Variants in COL23A1 observed in about 807,000 individuals in gnomAD.
COL23A1 encodes the protein collagen alpha-1(XXIII) chain.
COL23A1 carries 97 observed loss-of-function variants against 99.3 expected under a neutral mutation model. The ratio of observed to expected loss-of-function variants is 0.98; its 90% confidence interval spans 0.83 to 1.16. The LOEUF is 1.16. Ranked by LOEUF, COL23A1 falls within the 50% of genes most tolerant of loss-of-function variation. The pLI is 0.00. For missense variants in COL23A1, 762 were observed against 757.4 expected, an observed-to-expected ratio of 1.01 and a Z score of -0.07; for synonymous variants, 320 against 308.2, an observed-to-expected ratio of 1.04 and a Z score of -0.40.
intron 2 of COL23A1, among the ~76,000 whole-genome samples, chr5:178,556,194 G>C (rs1219730858): frequency 1.3e-5 from 2 of 152,052 alleles, no homozygotes; most frequent in Non-Finnish European, 1.5e-5. Context: ...AGCTATCTCG[G>C]ATACACAGAC....
intron 2 of COL23A1, among the ~76,000 whole-genome samples, chr5:178,401,966 C>A (rs1561939418): frequency 6.6e-6 from 1 of 152,164 alleles, no homozygotes; most frequent in Non-Finnish European, 1.5e-5. Context: ...CAGGCGCCTG[C>A]CACCACGCTC....
At chr5:178,239,102 C>T in intron 28 of COL23A1, 39 bp downstream of exon 28, 1 of 1,612,642 alleles carries the variant, frequency 6.2e-7, no homozygotes, top group Non-Finnish European at 8.5e-7. Context: ...CCTCCCCTGC[C>T]TCTCCCAAGC....
intron 2 of COL23A1, among the ~76,000 whole-genome samples, chr5:178,385,423 T>C (rs560295247): frequency 6.6e-6 from 1 of 152,346 alleles, no homozygotes; most frequent in Non-Finnish European, 1.5e-5. Context: ...TGGAAATGTT[T>C]GTGCTGGTGC....
intron 2 of COL23A1, among the ~76,000 whole-genome samples, chr5:178,361,144 T>A (rs1216939616): frequency 1.3e-5 from 2 of 152,216 alleles, no homozygotes; most frequent in Non-Finnish European, 2.9e-5. Context: ...CTTTAAACTT[T>A]CTTACTTAAA....
Position 178,256,970 on chromosome 5 carries a change from C to T in COL23A1, c.775-42G>A, listed in dbSNP as rs369643988. The stretch of plus-strand genomic sequence containing the variant: ...TGCAGTGAGAGCAAGTGTGAGACGG[C>T]ACGTGGCGGGTGCCTTGGAGGGGGG... On this transcript the variant is annotated intron_variant, in intron 13 of 28. Transcript: ENST00000390654. The T allele has an allele frequency of 2.1e-3, 3,330 of 1,597,262 alleles. 6 individuals are homozygous for T. The highest frequency in any genetic ancestry group is 2.5e-3 in the Non-Finnish European group (2,944 of 1,169,412).
At chr5:178,295,448 T>A (rs1254245035) in intron 3 of COL23A1, among the ~76,000 whole-genome samples, 2 of 152,094 alleles carry the variant, frequency 1.3e-5, no homozygotes, top group Non-Finnish European at 2.9e-5. Flanking sequence ...AAAATTACAA[T>A]CATATCAGAT....
chr5:178,506,915 G>A (rs1170385859), intron 2 of COL23A1, among the ~76,000 whole-genome samples: 1 of 152,126 alleles, frequency 6.6e-6, no homozygotes, highest in African/African-American at 2.4e-5. Context: ...TTCTCTGTGA[G>A]GTTAAGCCAT....
In COL23A1 at chr5:178,587,959, C is replaced by T. The variant is rs144527544; in HGVS notation, c.294+1945G>A. On this transcript the variant is annotated intron_variant, in intron 1 of 28. Coordinates refer to ENST00000390654, the MANE Select transcript of COL23A1 (RefSeq NM_173465.4). ...TGCATTCATACTGCACCATCTCTGA[C>T]TCTCCACTGGCGGGAAAACCCAGCC... 3.7e-4 allele frequency among the ~76,000 whole-genome samples: 57 copies of T among 152,352 alleles called. No homozygotes were observed. In the East Asian group the frequency reaches 9.1e-3, roughly 24 times the overall value.
rs73344890 is a variant in COL23A1, at chr5:178,330,588, A to C, written c.362-23669T>G. On this transcript the variant is annotated intron_variant, in intron 2 of 28. Transcript: ENST00000390654. ...AGGATAGCTGGAGCTGAGGAGTTTG[A>C]GGTTGCAGTGAGCCGAGATTGCACC... is the stretch of plus-strand genomic sequence containing the variant. Among the ~76,000 whole-genome samples, 1,265 of 151,154 alleles carry C rather than the reference A, an allele frequency of 8.4e-3. 17 individuals carry two copies. Among genetic ancestry groups the C allele is most frequent in the African/African-American group, 0.029 (1,204 of 41,152 alleles).
intron 2 of COL23A1, among the ~76,000 whole-genome samples, chr5:178,409,835 G>A (rs1204414084): frequency 6.6e-6 from 1 of 152,106 alleles, no homozygotes; most frequent in African/African-American, 2.4e-5. Context: ...AAAATTGGAT[G>A]CCTACCTCAG....
intron 2 of COL23A1, among the ~76,000 whole-genome samples, chr5:178,408,245 G>A (rs867948377): frequency 3.0e-4 from 45 of 152,172 alleles, no homozygotes; most frequent in African/African-American, 1.0e-3. Flanking sequence ...GAATAAAGGG[G>A]AAATTAAGAC....
At chr5:178,529,584 C>A (rs1169638529) in intron 2 of COL23A1, among the ~76,000 whole-genome samples, 1 of 152,198 alleles carries the variant, frequency 6.6e-6, no homozygotes, top group Non-Finnish European at 1.5e-5. Context: ...TTTATTTTGT[C>A]ATGCCACTCA....
intron 2 of COL23A1, among the ~76,000 whole-genome samples, chr5:178,506,167 C>G (rs1018302643): frequency 3.3e-5 from 5 of 152,224 alleles, no homozygotes; most frequent in African/African-American, 9.6e-5. Flanking sequence ...GGGCCGGCGC[C>G]GAATGATCAT....
chr5:178,427,377 A>G (rs1766002696), intron 2 of COL23A1, among the ~76,000 whole-genome samples: 1 of 152,206 alleles, frequency 6.6e-6, no homozygotes, highest in Non-Finnish European at 1.5e-5. Flanking sequence ...TTACAAAACT[A>G]AACATACTCT....
intron 3 of COL23A1, among the ~76,000 whole-genome samples, chr5:178,291,657 A>C (rs559948630): frequency 6.6e-6 from 1 of 152,110 alleles, no homozygotes; most frequent in African/African-American, 2.4e-5. Context: ...GAGTCAGCGA[A>C]GGGCTCTGCA....
intron 5 of COL23A1, among the ~76,000 whole-genome samples, chr5:178,287,757 C>T (rs549753748): frequency 3.3e-5 from 5 of 152,374 alleles, no homozygotes; most frequent in Non-Finnish European, 4.4e-5. Flanking sequence ...GCTGCTGCCA[C>T]GACCCTCAAC....
intron 2 of COL23A1, among the ~76,000 whole-genome samples, chr5:178,461,599 G>A (rs1756125405): frequency 6.6e-6 from 1 of 152,228 alleles, no homozygotes; most frequent in Non-Finnish European, 1.5e-5. Flanking sequence ...GGAGAGACCG[G>A]AGTAGCCAGC....
intron 2 of COL23A1, among the ~76,000 whole-genome samples, chr5:178,470,028 A>T (rs1456847879): frequency 6.6e-6 from 1 of 152,190 alleles, no homozygotes; most frequent in Non-Finnish European, 1.5e-5. Context: ...TAGCCAGCTA[A>T]ATCAGTCCCT....
At chr5:178,350,288 G>T (rs1380133919) in intron 2 of COL23A1, among the ~76,000 whole-genome samples, 1 of 152,158 alleles carries the variant, frequency 6.6e-6, no homozygotes, top group Non-Finnish European at 1.5e-5. Flanking sequence ...CTCCATTTCA[G>T]TCCTTTGCGC....
Sources: gnomAD v4.1 joint callset for allele counts (sites outside exome capture counted in the v4.1 genomes callset) on GRCh38, gnomAD v4.1.1 for gene constraint, MANE v1.5 for transcripts, NCBI Gene and HGNC (gene_info 2026-07-23, HGNC 2026-07-21) for gene names.